Variants in POLN observed in about 807,000 individuals in gnomAD.
POLN encodes DNA polymerase nu, also known as DNA polymerase N.
A neutral mutation model predicts 113.5 loss-of-function variants in POLN; 108 were observed. The ratio of observed to expected loss-of-function variants is 0.95; its 90% confidence interval spans 0.81 to 1.12. The LOEUF is 1.12. POLN is among the 50% of genes most tolerant of loss of function. The pLI is 0.00. For missense variants in POLN, 1,097 were observed against 1,077.1 expected (o/e 1.02, Z -0.26); for synonymous variants, 386 against 391.5 (o/e 0.99, Z 0.17).
Position 2,127,611 on chromosome 4 carries a change from C to A in POLN, c.1982+502G>T, listed in dbSNP as rs555705488. On this transcript the variant is annotated intron_variant, in intron 19 of 25. Transcript: ENST00000511885. This position sits in a 1 kb window ranked among gnomAD's most constrained non-coding sequence, Gnocchi z 4.7. ...GTCCTGAGAATATGATGAAAAAGGA[C>A]GGGCCTGGGACGACACTGCCAAGCT... Among the ~76,000 whole-genome samples, 1 of 152,138 alleles carries A rather than the reference C, an allele frequency of 6.6e-6. No homozygotes were observed. Among genetic ancestry groups the A allele is most frequent in the Non-Finnish European group, 1.5e-5 (1 of 68,022 alleles).
In POLN at chr4:2,136,630, A is replaced by T. The variant is rs73197212; in HGVS notation, c.1732-5340T>A. ...ACAATGTGGCATTTGTTAAAATCTCAGTAGCTGTTAGTGGAATGCTATGCA... is the reference window on the plus strand; with the variant it reads ...ACAATGTGGCATTTGTTAAAATCTCTGTAGCTGTTAGTGGAATGCTATGCA... On this transcript the variant is annotated intron_variant, in intron 16 of 25. Coordinates refer to ENST00000511885, the MANE Select transcript of POLN (RefSeq NM_181808.4). Among the ~76,000 whole-genome samples the T allele has an allele frequency of 9.5e-3, 1,451 of 152,366 alleles. 16 individuals are homozygous for T. The highest frequency in any genetic ancestry group is 0.017 in the Non-Finnish European group (1,136 of 68,034).
intron 15 of POLN, 39 bp from the exon 16 acceptor site, chr4:2,156,892 T>C (rs1334688156): frequency 1.3e-6 from 2 of 1,517,740 alleles, no homozygotes; most frequent in Non-Finnish European, 9.1e-7. Context: ...ACTCCAGCAA[T>C]GCTATGTGAA....
chr4:2,148,761 A>T (rs1026592532), intron 16 of POLN, among the ~76,000 whole-genome samples: 2 of 152,168 alleles, frequency 1.3e-5, no homozygotes, highest in Non-Finnish European at 2.9e-5. Flanking sequence ...AACTCAATGA[A>T]TCCTAAATAC....
Position 2,188,932 on chromosome 4 carries a change from T to TC in POLN, c.1021+4271dup, listed in dbSNP as rs557229607. On this transcript the variant is annotated intron_variant, in intron 7 of 25. Transcript: ENST00000511885. The stretch of plus-strand genomic sequence containing the variant: ...TTAGTTTTTCCTTTATTTGTTTGTT[T>TC]CTATTCTTTTCTTTGTAAATAAAGA... 1.8e-4 allele frequency among the ~76,000 whole-genome samples: 27 copies of TC among 152,346 alleles called. No individual in the cohort carries two copies. The South Asian group carries it at 5.6e-3, about 32-fold the overall frequency.
chr4:2,075,718 G>A (rs1730259324), intron 23 of POLN, among the ~76,000 whole-genome samples, 199 bp from the exon 24 acceptor site: 1 of 152,232 alleles, frequency 6.6e-6, no homozygotes, highest in Admixed American at 6.5e-5. Context: ...ATGTGGCTCC[G>A]TGAGGCATGG....
chr4:2,140,362 C>T (rs1325733493), intron 16 of POLN, among the ~76,000 whole-genome samples: 2 of 152,160 alleles, frequency 1.3e-5, no homozygotes, highest in African/African-American at 4.8e-5. Flanking sequence ...CAGGTGTGAG[C>T]CACCGTGCCT....
chr4:2,125,669 T>C (rs1267147425), intron 19 of POLN, among the ~76,000 whole-genome samples: 1 of 152,114 alleles, frequency 6.6e-6, no homozygotes, highest in East Asian at 1.9e-4. Context: ...CACAGCTTCC[T>C]AAGGGGGCAG....
chr4:2,133,480 C>T (rs1156405175), intron 16 of POLN, among the ~76,000 whole-genome samples: 1 of 152,170 alleles, frequency 6.6e-6, no homozygotes, highest in African/African-American at 2.4e-5. Flanking sequence ...AAATACCATT[C>T]TGCTATAAAA....
chr4:2,225,296 T>C (rs1419306063), intron 3 of POLN, among the ~76,000 whole-genome samples: 3 of 151,922 alleles, frequency 2.0e-5, no homozygotes, highest in Non-Finnish European at 4.4e-5. Flanking sequence ...AAAAAAAAAT[T>C]TAAGAAAAAT....
At chr4:2,157,817 C>G in intron 15 of POLN, 41 bp downstream of exon 15, 3 of 1,426,498 alleles carry the variant, frequency 2.1e-6, no homozygotes, top group Non-Finnish European at 2.9e-6. Context: ...CATACAAAAA[C>G]CACAGTCCTA....
At chr4:2,157,130 G>C (rs1036478213) in intron 15 of POLN, among the ~76,000 whole-genome samples, 2 of 152,216 alleles carry the variant, frequency 1.3e-5, no homozygotes, top group Non-Finnish European at 2.9e-5. Flanking sequence ...GAGAGGAAGG[G>C]CTGTTGGGCT....
In POLN at chr4:2,202,312, T is replaced by G. The variant is rs143205633; in HGVS notation, c.715-3595A>C. Among the ~76,000 whole-genome samples the G allele has an allele frequency of 2.1e-3, 316 of 152,182 alleles. 1 individual carries two copies. The highest frequency in any genetic ancestry group is 7.3e-3 in the African/African-American group (301 of 41,514). On this transcript the variant is annotated intron_variant, in intron 5 of 25. Transcript: ENST00000511885. ...GCCTTCAAGAGACTCACCTAACACA[T>G]AAGGACTCACATACACTTAAGGTAA...
In POLN at chr4:2,221,450, T is replaced by A. The variant is rs114392498; in HGVS notation, c.133+7649A>T. Among the ~76,000 whole-genome samples the A allele has an allele frequency of 2.1e-3, 323 of 152,366 alleles. 1 individual carries two copies. Among genetic ancestry groups the A allele is most frequent in the African/African-American group, 7.3e-3 (303 of 41,586 alleles). ...AAATTCTATGCCTCTGAGGTTCACC[T>A]GAGACAAATGGGGATCTGATTGCTT... On this transcript the variant is annotated intron_variant, in intron 3 of 25. Transcript: ENST00000511885.
intron 4 of POLN, among the ~76,000 whole-genome samples, chr4:2,211,503 T>C (rs1733993333): frequency 1.3e-5 from 2 of 152,014 alleles, no homozygotes; most frequent in African/African-American, 4.8e-5. Context: ...AGTCCAGGTA[T>C]GGGGGCTCAT....
chr4:2,195,484 T>A (rs1255690528), intron 6 of POLN, among the ~76,000 whole-genome samples: 1 of 150,406 alleles, frequency 6.6e-6, no homozygotes, highest in Admixed American at 6.6e-5. Flanking sequence ...GCTTGGTAAT[T>A]CTTTTTTTTT....
At chr4:2,159,094 C>G (rs1206253897) in intron 14 of POLN, 61 bp downstream of exon 14, 1 of 1,245,200 alleles carries the variant, frequency 8.0e-7, no homozygotes, top group Non-Finnish European at 1.2e-6. Context: ...TTGACAGACA[C>G]AGGGCCATAT....
chr4:2,088,844 T>C, intron 20 of POLN: 1 of 1,471,818 alleles, frequency 6.8e-7, no homozygotes, highest in Non-Finnish European at 9.2e-7. Context: ...TTGTCTACTA[T>C]AAAGAAAAGT....
chr4:2,218,167 C>A (rs936776489), intron 3 of POLN, among the ~76,000 whole-genome samples: 1 of 151,548 alleles, frequency 6.6e-6, no homozygotes, highest in Admixed American at 6.6e-5. Flanking sequence ...CGTGGTGGCT[C>A]ATGCCTGTAA....
intron 7 of POLN, among the ~76,000 whole-genome samples, chr4:2,188,474 G>A (rs879334138): frequency 2.5e-4 from 38 of 152,088 alleles, no homozygotes; most frequent in African/African-American, 4.1e-4. Flanking sequence ...GGTGGCGGGC[G>A]CCTGTAGTCC....
Sources: allele counts gnomAD v4.1 joint callset (sites outside exome capture counted in the v4.1 genomes callset), GRCh38; gene constraint gnomAD v4.1.1; non-coding constraint Gnocchi (gnomAD v3.1); transcripts MANE v1.5; gene names NCBI Gene and HGNC (gene_info 2026-07-23, HGNC 2026-07-21).